The following ERBB4 variants were observed in gnomAD, a reference collection of about 807,000 sequenced individuals.
ERBB4 encodes erb-b2 receptor tyrosine kinase 4, also known as receptor tyrosine-protein kinase erbB-4.
ERBB4 carries 42 observed loss-of-function variants against 158.0 expected under a neutral mutation model. The ratio of observed to expected loss-of-function variants is 0.27; its 90% CI spans 0.21 to 0.34. The LOEUF (loss-of-function observed/expected upper bound fraction) is 0.34. Ranked by LOEUF, ERBB4 falls within the 10% of genes least tolerant of loss-of-function variation. The pLI is 1.00. For synonymous variants in ERBB4, 583 were observed against 558.7 expected (o/e 1.04, Z -0.61); for missense variants, 1,333 against 1,624.1 (o/e 0.82, Z 3.08).
At chr2:211,504,746 T>C (rs901870692) in intron 20 of ERBB4, among the ~76,000 whole-genome samples, 2 of 152,026 alleles carry the variant, frequency 1.3e-5, no homozygotes, top group East Asian at 3.9e-4. Context: ...TAGAGATAAA[T>C]ATATTTTTGA....
intron 3 of ERBB4, among the ~76,000 whole-genome samples, chr2:211,906,951 TA>T (rs1487864990): frequency 6.6e-6 from 1 of 151,674 alleles, no homozygotes; most frequent in East Asian, 2.0e-4. Context: ...GTCATTGGTA[TA>T]AAGAGGCAGT....
intron 2 of ERBB4, among the ~76,000 whole-genome samples, chr2:212,030,161 C>G (rs1050284054): frequency 6.6e-6 from 1 of 152,064 alleles, no homozygotes; most frequent in Non-Finnish European, 1.5e-5. Flanking sequence ...AATGTATGAA[C>G]GCACTTCCAT....
intron 1 of ERBB4, among the ~76,000 whole-genome samples, chr2:212,428,352 G>A (rs1293463912): frequency 6.6e-6 from 1 of 152,068 alleles, no homozygotes; most frequent in Admixed American, 6.6e-5. Flanking sequence ...CAAGGAAATA[G>A]CTAGGCCATT....
chr2:212,119,417 C>G (rs959030645), intron 2 of ERBB4, among the ~76,000 whole-genome samples: 1 of 152,068 alleles, frequency 6.6e-6, no homozygotes, highest in Non-Finnish European at 1.5e-5. Flanking sequence ...CCAGCAGTAG[C>G]AAAGAAGACC....
chr2:211,581,627 G>A (rs72941391), intron 19 of ERBB4, among the ~76,000 whole-genome samples: 6,551 of 152,042 alleles, frequency 0.043, 166 homozygotes, highest in Middle Eastern at 0.065. Context: ...TTTGCTTCTA[G>A]GCACTGCTCT....
At chr2:212,326,545 T>G (rs1295962128) in intron 1 of ERBB4, among the ~76,000 whole-genome samples, 1 of 150,836 alleles carries the variant, frequency 6.6e-6, no homozygotes, top group Non-Finnish European at 1.5e-5. Context: ...CCTTACATAT[T>G]TTCGCATCAC....
chr2:212,408,901 G>A (rs2106481680), intron 1 of ERBB4, among the ~76,000 whole-genome samples: 1 of 152,258 alleles, frequency 6.6e-6, no homozygotes, highest in East Asian at 1.9e-4. Context: ...TATTTCAAGT[G>A]ATCAGCAGCA....
intron 20 of ERBB4, among the ~76,000 whole-genome samples, chr2:211,448,305 C>G (rs1388961723): frequency 6.6e-6 from 1 of 152,026 alleles, no homozygotes; most frequent in Non-Finnish European, 1.5e-5. Flanking sequence ...AAGAACATAT[C>G]ACAAAGGTAG....
intron 7 of ERBB4, among the ~76,000 whole-genome samples, chr2:211,717,282 T>C (rs2073950241): frequency 6.6e-6 from 1 of 152,288 alleles, no homozygotes; most frequent in South Asian, 2.1e-4. Flanking sequence ...GGATGGTACA[T>C]GGTGACATAT....
chr2:211,843,013 G>T (rs2077509154), intron 3 of ERBB4, among the ~76,000 whole-genome samples: 1 of 152,056 alleles, frequency 6.6e-6, no homozygotes, highest in African/African-American at 2.4e-5. Context: ...TGGAATAGTT[G>T]ATGTTTATAA....
At chr2:212,405,235 A>C (rs996371936) in intron 1 of ERBB4, among the ~76,000 whole-genome samples, 7 of 152,140 alleles carry the variant, frequency 4.6e-5, no homozygotes, top group African/African-American at 1.7e-4. Context: ...GCATATGAAA[A>C]AAAATTTGAT....
intron 2 of ERBB4, among the ~76,000 whole-genome samples, chr2:211,952,569 G>A (rs561626409): frequency 6.6e-6 from 1 of 152,110 alleles, no homozygotes; most frequent in East Asian, 1.9e-4. Context: ...TTAAACATAT[G>A]GACTTATCTA....
At chr2:211,874,111 G>C (rs1288441259) in intron 3 of ERBB4, among the ~76,000 whole-genome samples, 3 of 152,002 alleles carry the variant, frequency 2.0e-5, no homozygotes, top group Non-Finnish European at 2.9e-5. Context: ...TCTGCAATGA[G>C]CCATGATCAC....
At chr2:211,752,118 C>A (rs2075147590) in intron 4 of ERBB4, among the ~76,000 whole-genome samples, 1 of 151,984 alleles carries the variant, frequency 6.6e-6, no homozygotes, top group Admixed American at 6.6e-5. Flanking sequence ...GAAAAGGACT[C>A]CATCTGGCCT....
intron 3 of ERBB4, among the ~76,000 whole-genome samples, chr2:211,905,763 T>TATATATATATATATATAC (rs566719974): frequency 2.8e-5 from 4 of 141,520 alleles, no homozygotes; most frequent in African/African-American, 1.1e-4. Flanking sequence ...TATATATATA[T>TATATATATATATATATAC]ACTATTATGT....
chr2:212,229,507 A>G (rs1164133582), intron 1 of ERBB4, among the ~76,000 whole-genome samples: 3 of 152,178 alleles, frequency 2.0e-5, no homozygotes, highest in Non-Finnish European at 4.4e-5. Context: ...AAAGGTACTA[A>G]AGGGCCAGTA....
intron 5 of ERBB4, among the ~76,000 whole-genome samples, chr2:211,730,273 G>T (rs1297153453): frequency 1.3e-5 from 2 of 151,752 alleles, no homozygotes; most frequent in Non-Finnish European, 2.9e-5. Flanking sequence ...ATTTATTGTT[G>T]CTTCCTAGCA....
intron 12 of ERBB4, among the ~76,000 whole-genome samples, chr2:211,681,565 T>C (rs1354437159): frequency 6.6e-6 from 1 of 152,226 alleles, no homozygotes; most frequent in Non-Finnish European, 1.5e-5. Flanking sequence ...CTATCTAATT[T>C]GAATGTAGTA....
chr2:212,532,584 A>C (rs1268688395), intron 1 of ERBB4, among the ~76,000 whole-genome samples: 2 of 152,258 alleles, frequency 1.3e-5, no homozygotes, highest in Non-Finnish European at 2.9e-5. Flanking sequence ...CATGACTTTT[A>C]GCTACACTAA....
Sources: gnomAD v4.1 joint callset for allele counts (sites outside exome capture counted in the v4.1 genomes callset) on GRCh38, gnomAD v4.1.1 for gene constraint, MANE v1.5 for transcripts, NCBI Gene and HGNC (gene_info 2026-07-23, HGNC 2026-07-21) for gene names.